The following LRPPRC variants were observed in gnomAD, a reference collection of about 807,000 sequenced individuals.
The protein encoded by LRPPRC is leucine-rich PPR motif-containing protein, mitochondrial.
LRPPRC carries 120 observed loss-of-function variants against 180.3 expected under a neutral mutation model. The ratio of observed to expected loss-of-function variants is 0.67; its 90% CI spans 0.57 to 0.77. LRPPRC has a LOEUF of 0.77. Ranked by LOEUF, LRPPRC falls within the 30% of genes least tolerant of loss-of-function variation. The pLI is 0.00. For synonymous variants in LRPPRC, 723 were observed against 600.0 expected, an observed-to-expected ratio of 1.21 and a Z score of -3.00; for missense variants, 2,012 against 1,657.2, an observed-to-expected ratio of 1.21 and a Z score of -3.72.
chr2:43,900,068 C>T (rs1206637332), intron 32 of LRPPRC, among the ~76,000 whole-genome samples: 2 of 152,106 alleles, frequency 1.3e-5, no homozygotes, highest in Non-Finnish European at 2.9e-5. Flanking sequence ...TCTCAGGATT[C>T]TTAAAGATAC....
chr2:43,919,474 T>A (rs1158323147), intron 27 of LRPPRC, among the ~76,000 whole-genome samples: 1 of 152,226 alleles, frequency 6.6e-6, no homozygotes, highest in African/African-American at 2.4e-5. Flanking sequence ...TGACCCTGTG[T>A]GATACATGGA....
intron 2 of LRPPRC, among the ~76,000 whole-genome samples, chr2:43,982,011 G>A (rs1000102458): frequency 1.3e-5 from 2 of 152,044 alleles, no homozygotes; most frequent in Admixed American, 6.5e-5. Context: ...GGGTTCAAGC[G>A]ATTCTCATGC....
At position 43,905,781 on chromosome 2, in the gene LRPPRC, C is replaced by T. The variant is rs781256302; in HGVS notation, c.3276-1G>A. 1 of 1,594,776 alleles carries T rather than the reference C, an allele frequency of 6.3e-7. No individual in the cohort carries two copies. The highest frequency in any genetic ancestry group is 1.1e-5 in the South Asian group (1 of 90,728). Reference sequence around the variant, plus strand: ...GAAGCCCTTGATGTGGGTCTCCGCGCTAAAAGAAGCAGACATTTAGAAAGG... The same window carrying T: ...GAAGCCCTTGATGTGGGTCTCCGCGTTAAAAGAAGCAGACATTTAGAAAGG... On this transcript the variant is annotated splice_acceptor_variant, in intron 30 of 37. Transcript: ENST00000260665. LOFTEE classifies it high-confidence loss of function.
chr2:43,916,296 T>C (rs1048118075), intron 29 of LRPPRC, among the ~76,000 whole-genome samples: 1 of 152,104 alleles, frequency 6.6e-6, no homozygotes, highest in Admixed American at 6.5e-5. Context: ...ATAAGAGTAA[T>C]ATATGATTCT....
In LRPPRC at chr2:43,973,654, TAGTG is replaced by T; in HGVS notation, c.1318_1321del (p.His440IlefsTer6). On this transcript the variant is annotated frameshift_variant, in exon 11 of 38. Coordinates refer to ENST00000260665, the MANE Select transcript of LRPPRC (RefSeq NM_133259.4). LOFTEE classifies it high-confidence loss of function. ...ACGTCCAACTAGCAATGGCCAGAAA[TAGTG>T]AGGTCTGATAGGAAAACCTTCCTCC... 1 of 1,613,986 alleles carries T rather than the reference TAGTG, an allele frequency of 6.2e-7. No individual in the cohort carries two copies. Among genetic ancestry groups the T allele is most frequent in the Non-Finnish European group, 8.5e-7 (1 of 1,179,918 alleles).
At chr2:43,982,648 T>C (rs1401956653) in intron 1 of LRPPRC, among the ~76,000 whole-genome samples, 1 of 152,146 alleles carries the variant, frequency 6.6e-6, no homozygotes, top group Non-Finnish European at 1.5e-5. Flanking sequence ...GCACAGTAAA[T>C]CTCCTGAATA....
At chr2:43,946,059 G>A (rs1672669928) in intron 21 of LRPPRC, 54 bp downstream of exon 21, 7 of 1,560,544 alleles carry the variant, frequency 4.5e-6, no homozygotes, top group Non-Finnish European at 6.2e-6. Flanking sequence ...AATCTATCAA[G>A]GTCTGTAGAG....
chr2:43,976,243 A>C lies in LRPPRC; in HGVS notation c.651-14T>G. The stretch of plus-strand genomic sequence containing the variant: ...CCAAGAATCTTGCTGCAAAGGAAAA[A>C]CGAAGATACTCATTGAAAGTATTTA... On this transcript the variant is annotated splice_polypyrimidine_tract_variant and intron_variant, in intron 5 of 37. Transcript: ENST00000260665. 1 of 1,408,994 alleles carries C rather than the reference A, an allele frequency of 7.1e-7. No homozygotes were observed. The highest frequency in any genetic ancestry group is 1.0e-6 in the Non-Finnish European group (1 of 992,810). The allele number at this position is 1,408,994 out of a possible 1,614,324, so 87.3% of individuals were successfully genotyped here. A position where few individuals can be genotyped will look rare whatever the true frequency, so the allele number is the denominator to read the frequency against.
At position 43,947,278 on chromosome 2, in the gene LRPPRC, T is replaced by C. The variant is rs1802664; in HGVS notation, c.2058A>G (p.Ile686Met). 4 of 1,580,068 alleles carry C rather than the reference T, an allele frequency of 2.5e-6. No homozygotes were observed. Among genetic ancestry groups the C allele is most frequent in the East Asian group, 4.5e-5 (2 of 44,594 alleles). The change falls in exon 20 of 38, where the codon ATA becomes ATG. Residue 686 changes from isoleucine to methionine, a missense_variant. Ile to Met is a conservative substitution (Grantham distance 10, BLOSUM62 1). Coordinates refer to ENST00000260665, the MANE Select transcript of LRPPRC (RefSeq NM_133259.4). Reference protein sequence around the residue: ...QPIRDVLKQLILVLCSEENMQ... With the variant: ...QPIRDVLKQLMLVLCSEENMQ... Reference sequence around the variant, plus strand: ...TTACCTCTTCTGAACAAAGCACTAATATGAGTTGCTTTAGGACATCTCTTA... The same window carrying C: ...TTACCTCTTCTGAACAAAGCACTAACATGAGTTGCTTTAGGACATCTCTTA...
chr2:43,969,462 C>G (rs567014701), intron 11 of LRPPRC, among the ~76,000 whole-genome samples: 1 of 151,118 alleles, frequency 6.6e-6, no homozygotes, highest in South Asian at 2.1e-4. Context: ...GTGCTTGTTA[C>G]ACTACAAAAA....
At chr2:43,969,735 G>T (rs7562003) in intron 11 of LRPPRC, among the ~76,000 whole-genome samples, 28 of 152,078 alleles carry the variant, frequency 1.8e-4, no homozygotes, top group African/African-American at 6.5e-4. Flanking sequence ...ACTTTGTCAC[G>T]CAGGCTAGAC....
intron 33 of LRPPRC, 56 bp downstream of exon 33, chr2:43,899,410 G>C (rs1670807312): frequency 6.2e-7 from 1 of 1,611,306 alleles, no homozygotes. Context: ...ATTTGGTCTA[G>C]TCTCACTAGA....
At chr2:43,970,109 C>T (rs1005943304) in intron 11 of LRPPRC, among the ~76,000 whole-genome samples, 4 of 152,198 alleles carry the variant, frequency 2.6e-5, no homozygotes, top group African/African-American at 9.6e-5. Flanking sequence ...ACCAAATTGA[C>T]TGCAGCTACA....
chr2:43,988,418 C>G (rs1417114065), intron 1 of LRPPRC, among the ~76,000 whole-genome samples: 1 of 152,054 alleles, frequency 6.6e-6, no homozygotes, highest in African/African-American at 2.4e-5. Flanking sequence ...TGCCTATAAT[C>G]CCAGCTAGTT....
intron 14 of LRPPRC, among the ~76,000 whole-genome samples, chr2:43,953,321 C>A: frequency 6.6e-6 from 1 of 152,220 alleles, no homozygotes; most frequent in East Asian, 1.9e-4. Context: ...CAAGTTACCA[C>A]AACCTACGAT....
Position 43,915,053 on chromosome 2 carries a change from CA to C in LRPPRC, c.3149-2496del, listed in dbSNP as rs71393213. ...TGAAACCCTGTCTCTACTAAAAATA[CA>C]AAAAAAAAAAAAAAAAAAAAAAAAA... is the stretch of plus-strand genomic sequence containing the variant. On this transcript the variant is annotated intron_variant, in intron 29 of 37. Transcript: ENST00000260665. Among the ~76,000 whole-genome samples the C allele has an allele frequency of 2.1e-3, 199 of 96,874 alleles. 1 individual carries two copies. Among genetic ancestry groups the C allele is most frequent in the African/African-American group, 2.6e-3 (73 of 28,046 alleles). The allele number at this position is 96,874 out of a possible 152,430, so 63.6% of individuals were successfully genotyped here. A position where few individuals can be genotyped will look rare whatever the true frequency, so the allele number is the denominator to read the frequency against.
chr2:43,953,669 T>C (rs1187899778), intron 14 of LRPPRC, among the ~76,000 whole-genome samples: 1 of 152,208 alleles, frequency 6.6e-6, no homozygotes, highest in East Asian at 1.9e-4. Flanking sequence ...GCACCTAGCT[T>C]GGTGTGGTTT....
intron 35 of LRPPRC, among the ~76,000 whole-genome samples, chr2:43,895,107 C>T (rs527311883): frequency 1.3e-5 from 2 of 152,168 alleles, no homozygotes; most frequent in African/African-American, 2.4e-5. Context: ...TATGCAGACT[C>T]GGCTATGGCT....
In LRPPRC at chr2:43,901,540, A is replaced by C; in HGVS notation, c.3365-16T>G. The C allele has an allele frequency of 6.4e-7, 1 of 1,554,166 alleles. No homozygotes were observed. The highest frequency in any genetic ancestry group is 1.1e-5 in the South Asian group (1 of 89,880). On this transcript the variant is annotated splice_polypyrimidine_tract_variant and intron_variant, in intron 31 of 37. Transcript: ENST00000260665. ...GTCACAGCCTCTAAAATACAAGAGCAGGAGATGGCTTTTCTTATATGACCT... is the reference window on the plus strand; with the variant it reads ...GTCACAGCCTCTAAAATACAAGAGCCGGAGATGGCTTTTCTTATATGACCT...
Sources: allele counts gnomAD v4.1 joint callset (sites outside exome capture counted in the v4.1 genomes callset), GRCh38; gene constraint gnomAD v4.1.1; transcripts MANE v1.5; gene names NCBI Gene and HGNC (gene_info 2026-07-23, HGNC 2026-07-21).